The following KIF23 variants were observed in gnomAD, a reference collection of about 807,000 sequenced individuals.
KIF23 encodes the protein kinesin family member 23, also known as kinesin-like protein KIF23.
In KIF23, 30 loss-of-function variants were observed where a neutral mutation model predicts 137.5. The observed-to-expected ratio is 0.22, with a 90% confidence interval of 0.16 to 0.30. The LOEUF (loss-of-function observed/expected upper bound fraction) is 0.30, where lower values mean the gene tolerates loss of function less well. Ranked by LOEUF, KIF23 falls within the 10% of genes least tolerant of loss-of-function variation. The pLI is 1.00. For missense variants in KIF23, 920 were observed against 1,194.3 expected, an observed-to-expected ratio of 0.77 and a Z score of 3.38; for synonymous variants, 367 against 391.1, an observed-to-expected ratio of 0.94 and a Z score of 0.73.
In KIF23 at chr15:69,426,045, C is replaced by T. The variant is rs751683956; in HGVS notation, c.777-25C>T. 2.1e-6 allele frequency: 3 copies of T among 1,440,354 alleles called. No homozygotes were observed. The South Asian group carries it at 4.2e-5, about 20-fold the overall frequency. 89.2% of individuals were successfully genotyped at this position (1,440,354 alleles called of 1,614,324 possible). A position where few individuals can be genotyped will look rare whatever the true frequency, so the allele number is the denominator to read the frequency against. ...TACCAGCATCTCATAATTTAGGAGA[C>T]TAATCTTTTTTTTCTTTCCCATAGA... On this transcript the variant is annotated intron_variant, in intron 8 of 23. Transcript: ENST00000679126.
chr15:69,445,150 C>T, intron 20 of KIF23, 109 bp downstream of exon 20: 3 of 1,056,192 alleles, frequency 2.8e-6, no homozygotes, highest in Non-Finnish European at 4.0e-6. Context: ...ACTGGAACAT[C>T]AGTAGGTATT....
rs2057109476 is a variant in KIF23, at chr15:69,423,327, C to G, written c.732C>G (p.Pro244=). 6.4e-7 allele frequency: 1 copy of G among 1,550,608 alleles called. No homozygotes were observed. The highest frequency in any genetic ancestry group is 1.4e-5 in the African/African-American group (1 of 71,158). Residue 244 remains proline, a splice_region_variant and synonymous_variant, in exon 7 of 24, where the codon CCC becomes CCG. Transcript: ENST00000679126. Reference sequence around the variant, plus strand: ...AGGTGCCGTTTGATCCCATAAAACCCAAGTAAGTAATAAAGAGAGCCCCTT... The same window carrying G: ...AGGTGCCGTTTGATCCCATAAAACCGAAGTAAGTAATAAAGAGAGCCCCTT... The part of the protein sequence containing the change: ...LEEVPFDPIK[P]KWNSCSTPMR...
In KIF23 at chr15:69,436,601, A is replaced by G; in HGVS notation, c.1476A>G (p.Pro492=). 1 of 1,612,652 alleles carries G rather than the reference A, an allele frequency of 6.2e-7. No homozygotes were observed. Among genetic ancestry groups the G allele is most frequent in the Non-Finnish European group, 8.5e-7 (1 of 1,179,170 alleles). The stretch of plus-strand genomic sequence containing the variant: ...CTGACGTGGTTTTGCAGAGTTTTCC[A>G]CCTTTGCCATCATGCGAAATTTTGG... ...LVTDVVLQSF[P]PLPSCEILDI... Residue 492 remains proline, a synonymous_variant, in exon 15 of 24, where the codon CCA becomes CCG. Coordinates refer to ENST00000679126, the MANE Select transcript of KIF23 (RefSeq NM_001367805.3).
intron 15 of KIF23, among the ~76,000 whole-genome samples, chr15:69,437,928 T>A (rs1481842087): frequency 6.6e-6 from 1 of 152,202 alleles, no homozygotes; most frequent in African/African-American, 2.4e-5. Flanking sequence ...GTTTAATTAA[T>A]CCCAAATAGT....
Position 69,438,515 on chromosome 15 carries a change from C to A in KIF23, c.1755+110C>A, listed in dbSNP as rs1011873292. ...GTAAATGCTGCTTATTAAGAGTTCT[C>A]GGTTGAGTGCGGTGGCTCATGCAGG... On this transcript the variant is annotated intron_variant, in intron 16 of 23. Coordinates refer to ENST00000679126, the MANE Select transcript of KIF23 (RefSeq NM_001367805.3). 7 of 937,738 alleles carry A rather than the reference C, an allele frequency of 7.5e-6. No individual in the cohort carries two copies. In the African/African-American group the frequency reaches 1.0e-4, roughly 14 times the overall value. 58.1% of individuals were successfully genotyped at this position (937,738 alleles called of 1,614,324 possible).
intron 10 of KIF23, chr15:69,427,551 G>C: frequency 4.6e-6 from 2 of 438,146 alleles, no homozygotes; most frequent in South Asian, 1.6e-5. Flanking sequence ...TCATTTTTCA[G>C]GGTAGGTATA....
rs1389591472 is a variant in KIF23 at position 69,426,404 on chromosome 15, A to C, written c.958A>C (p.Asn320His). The stretch of plus-strand genomic sequence containing the variant: ...GTCCAGCCGTTCCCATAGCGTGTTC[A>C]ACATTAAATTAGTTCAGGCTCCCTT... The part of the protein sequence containing the change: ...RESSRSHSVF[N>H]IKLVQAPLDA... The change falls in exon 10 of 24, where the codon AAC (asparagine) becomes CAC (histidine). Residue 320 changes from asparagine (N) to histidine (H), a missense_variant. Transcript: ENST00000679126. The C allele has an allele frequency of 1.9e-6, 3 of 1,614,028 alleles. No individual in the cohort carries two copies. The highest frequency in any genetic ancestry group is 2.5e-6 in the Non-Finnish European group (3 of 1,179,968).
intron 11 of KIF23, among the ~76,000 whole-genome samples, chr15:69,431,321 G>C (rs575761880): frequency 6.6e-6 from 1 of 152,332 alleles, no homozygotes; most frequent in South Asian, 2.1e-4. Context: ...TTTGCCAATA[G>C]AGAAATGATT....
At chr15:69,434,728 C>T (rs2057432219) in intron 11 of KIF23, 2 of 1,352,300 alleles carry the variant, frequency 1.5e-6, no homozygotes, top group East Asian at 4.7e-5. Context: ...GGGATCTTCT[C>T]CTTGGGCACG....
At position 69,440,985 on chromosome 15, in the gene KIF23, C is replaced by T; in HGVS notation, c.2327C>T (p.Ser776Leu). The T allele has an allele frequency of 6.2e-7, 1 of 1,614,222 alleles. No homozygotes were observed. The highest frequency in any genetic ancestry group is 8.5e-7 in the Non-Finnish European group (1 of 1,180,036). Residue 776 changes from serine (S) to leucine (L), a missense_variant, in exon 19 of 24, where the codon TCA (serine) becomes TTA (leucine). Physicochemically the swap from Ser to Leu is moderately radical, Grantham distance 145. Coordinates refer to ENST00000679126, the MANE Select transcript of KIF23 (RefSeq NM_001367805.3). ...EPGQSKTCIVSDRRRGMYWTE... is the reference protein window; with the variant it reads ...EPGQSKTCIVLDRRRGMYWTE... ...GGACAAAGCAAAACTTGTATCGTGTCAGACAGAAGGCGAGGGATGTACTGG... is the reference window on the plus strand; with the variant it reads ...GGACAAAGCAAAACTTGTATCGTGTTAGACAGAAGGCGAGGGATGTACTGG...
intron 17 of KIF23, 78 bp downstream of exon 17, chr15:69,440,155 T>C (rs2057579614): frequency 6.6e-7 from 1 of 1,526,542 alleles, no homozygotes. Flanking sequence ...ATATTTTGAA[T>C]TATTGTATTT....
At chr15:69,436,040 T>A (rs2057469894) in intron 13 of KIF23, 98 bp from the exon 14 acceptor site, 4 of 1,482,002 alleles carry the variant, frequency 2.7e-6, no homozygotes, top group Non-Finnish European at 3.7e-6. Flanking sequence ...ACAGACTGTC[T>A]CAAATAAATA....
chr15:69,426,809 A>C (rs564231143), intron 10 of KIF23, among the ~76,000 whole-genome samples: 2 of 152,364 alleles, frequency 1.3e-5, no homozygotes, highest in South Asian at 4.1e-4. Flanking sequence ...TGTGAGTTCT[A>C]CATCTATAGA....
chr15:69,432,473 G>T (rs1245085914), intron 11 of KIF23, among the ~76,000 whole-genome samples: 1 of 152,110 alleles, frequency 6.6e-6, no homozygotes, highest in Non-Finnish European at 1.5e-5. Context: ...GGAAAATGTT[G>T]CTAGCCTCTC....
In KIF23 at chr15:69,435,478, G is replaced by A. The variant is rs1334143518; in HGVS notation, c.1115-5G>A. 8 of 1,609,096 alleles carry A rather than the reference G, an allele frequency of 5.0e-6. No individual in the cohort carries two copies. In the East Asian group the frequency reaches 8.9e-5, roughly 18 times the overall value. On this transcript the variant is annotated splice_region_variant and splice_polypyrimidine_tract_variant and intron_variant, in intron 11 of 23. Transcript: ENST00000679126. The stretch of plus-strand genomic sequence containing the variant: ...AAATGGCGTCTATGTATTTTTTTCT[G>A]TCAGGTAATATTAATCAGTCACTAA...
At chr15:69,431,395 C>T (rs1165899585) in intron 11 of KIF23, among the ~76,000 whole-genome samples, 3 of 152,274 alleles carry the variant, frequency 2.0e-5, no homozygotes, top group Non-Finnish European at 2.9e-5. Flanking sequence ...AGGCGGATCA[C>T]GAGGTCAGGG....
chr15:69,447,499 C>A (rs1281682967), intron 23 of KIF23, among the ~76,000 whole-genome samples: 1 of 151,896 alleles, frequency 6.6e-6, no homozygotes, highest in African/African-American at 2.4e-5. Flanking sequence ...ATATGTATAT[C>A]ACATGTTATA....
chr15:69,436,699 T>C lies in KIF23; in HGVS notation c.1574T>C (p.Met525Thr), dbSNP rs896028599. ...LEKRHNLRQM[M>T]IDEFNKQSNA... ...AAACGACATAACTTACGACAAATGA[T>C]GATTGATGAGTTTAACAAACAATGT... The change falls in exon 15 of 24, where the codon ATG becomes ACG. Residue 525 changes from methionine (M) to threonine (T), a missense_variant. Met to Thr is a moderately conservative substitution (Grantham distance 81, BLOSUM62 -1). This residue lies in a region of KIF23 where 714 missense variants were observed against 866.2 expected (regional missense o/e 0.82). Transcript: ENST00000679126. The C allele has an allele frequency of 2.5e-6, 4 of 1,591,046 alleles. No homozygotes were observed. The African/African-American group carries it at 5.4e-5, about 21-fold the overall frequency.
At chr15:69,439,528 CTGTT>C (rs1446507151) in intron 16 of KIF23, among the ~76,000 whole-genome samples, 1 of 152,150 alleles carries the variant, frequency 6.6e-6, no homozygotes, top group Non-Finnish European at 1.5e-5. Context: ...TAATGTATGT[CTGTT>C]CTCTCATTTA....
Sources: allele counts gnomAD v4.1 joint callset (sites outside exome capture counted in the v4.1 genomes callset), GRCh38; gene constraint gnomAD v4.1.1; regional missense constraint gnomAD v4.1.1; transcripts MANE v1.5; gene names NCBI Gene and HGNC (gene_info 2026-07-23, HGNC 2026-07-21).